The following RYR1 variants were observed in gnomAD, a reference collection of about 807,000 sequenced individuals.
RYR1 encodes the protein ryanodine receptor 1, also known as central core disease of muscle.
In RYR1, 342 loss-of-function variants were observed where a neutral mutation model predicts 583.5. The observed-to-expected ratio is 0.59, with a 90% CI of 0.54 to 0.64. The LOEUF is 0.64. Among genes scored for constraint, RYR1 ranks in the 30% least tolerant of loss-of-function variants. The pLI is 0.00. For synonymous variants in RYR1, 2,791 were observed against 2,822.5 expected (o/e 0.99, Z 0.35); for missense variants, 6,032 against 6,917.2 (o/e 0.87, Z 4.54).
chr19:38,476,398 C>T (rs990206414), intron 29 of RYR1, among the ~76,000 whole-genome samples: 3 of 152,224 alleles, frequency 2.0e-5, no homozygotes, highest in Non-Finnish European at 4.4e-5. Context: ...GGGGTTTCAC[C>T]ATATTGGCCA....
At position 38,433,874 on chromosome 19, in the gene RYR1, G is replaced by T; in HGVS notation, c.45G>T (p.Thr15=). ...AAGACGAGGTCCAGTTCCTGCGGAC[G>T]GTGCGTATCTCTGGGTTAGGGGCCT... is the stretch of plus-strand genomic sequence containing the variant. ...EGEDEVQFLR[T]DDEVVLQCSA... The change falls in exon 1 of 106, where the codon ACG becomes ACT. Residue 15 remains threonine (T), a splice_region_variant and synonymous_variant. Coordinates refer to ENST00000359596, the MANE Select transcript of RYR1 (RefSeq NM_000540.3). 1 of 1,613,396 alleles carries T rather than the reference G, an allele frequency of 6.2e-7. No homozygotes were observed. The highest frequency in any genetic ancestry group is 2.2e-5 in the East Asian group (1 of 44,864).
chr19:38,523,163 C>A (rs773047568), intron 68 of RYR1, 48 bp downstream of exon 68: 1 of 1,613,650 alleles, frequency 6.2e-7, no homozygotes, highest in Admixed American at 1.7e-5. Context: ...GGAGCCGCAG[C>A]CCACAGGCGC....
intron 19 of RYR1, 136 bp downstream of exon 19, chr19:38,459,474 C>A: frequency 1.2e-6 from 1 of 828,252 alleles, no homozygotes; most frequent in Non-Finnish European, 1.9e-6. Flanking sequence ...TGTCCAGAAC[C>A]CTTACTTGAA....
chr19:38,496,172 G>T lies in RYR1; in HGVS notation c.6549-43G>T. 6.4e-7 allele frequency: 1 copy of T among 1,553,988 alleles called. No individual in the cohort carries two copies. On this transcript the variant is annotated intron_variant, in intron 39 of 105. Transcript: ENST00000359596. This position sits in a 1 kb window ranked among gnomAD's most constrained non-coding sequence, Gnocchi z 4.8. ...ACAGTGGTGGCTATGGCCCTCTCCG[G>T]ACCTGGGCCCCTGGTGACCCCGCAC...
intron 34 of RYR1, among the ~76,000 whole-genome samples, chr19:38,486,611 GATTAC>G (rs1969311919): frequency 6.6e-6 from 1 of 152,040 alleles, no homozygotes; most frequent in Admixed American, 6.5e-5. Context: ...AAAGTGCTGG[GATTAC>G]AGGCGTGAGC....
Position 38,496,636 on chromosome 19 carries a change from A to G in RYR1, c.6796+95A>G. On this transcript the variant is annotated intron_variant, in intron 41 of 105. Coordinates refer to ENST00000359596, the MANE Select transcript of RYR1 (RefSeq NM_000540.3). The surrounding 1 kb of genome is among the most constrained non-coding windows in gnomAD (Gnocchi z 4.8). ...CTTTCCACCAGCTCACTCATTCAAC[A>G]AACACTCCCTCTCAACTGTGGTTCT... The G allele has an allele frequency of 2.0e-6, 3 of 1,470,254 alleles. No individual in the cohort carries two copies. Among genetic ancestry groups the G allele is most frequent in the Non-Finnish European group, 2.8e-6 (3 of 1,054,098 alleles). The allele number at this position is 1,470,254 out of a possible 1,614,324, so 91.1% of individuals were successfully genotyped here. A position where few individuals can be genotyped will look rare whatever the true frequency, so the allele number is the denominator to read the frequency against.
intron 89 of RYR1, among the ~76,000 whole-genome samples, chr19:38,560,080 G>C (rs1029500348): frequency 1.3e-5 from 2 of 152,224 alleles, no homozygotes; most frequent in African/African-American, 4.8e-5. Flanking sequence ...AAAGAAATCT[G>C]TGGGTGAACT....
intron 23 of RYR1, among the ~76,000 whole-genome samples, chr19:38,465,506 T>C (rs1186601806): frequency 6.6e-6 from 1 of 151,978 alleles, no homozygotes; most frequent in Non-Finnish European, 1.5e-5. Flanking sequence ...CGCTCACGCC[T>C]GTAATCCGAG....
chr19:38,484,147 C>T (rs1256063976), intron 33 of RYR1, among the ~76,000 whole-genome samples: 1 of 151,986 alleles, frequency 6.6e-6, no homozygotes, highest in Non-Finnish European at 1.5e-5. Flanking sequence ...CAAAAATTAG[C>T]CAGTTGTGGT....
At chr19:38,545,226 G>A (rs77133616) in intron 87 of RYR1, among the ~76,000 whole-genome samples, 3,444 of 152,256 alleles carry the variant, frequency 0.023, 92 homozygotes, top group Admixed American at 0.072. Context: ...TTAGCCCCAT[G>A]TGCTCTGACT....
Position 38,433,745 on chromosome 19 carries a change from AGCCCG to A in RYR1, c.-84_-80del. 8.0e-6 allele frequency: 4 copies of A among 498,364 alleles called. No individual in the cohort carries two copies. Among genetic ancestry groups the A allele is most frequent in the East Asian group, 4.8e-5 (1 of 20,916 alleles). 30.9% of individuals were successfully genotyped at this position (498,364 alleles called of 1,614,324 possible). A position where few individuals can be genotyped will look rare whatever the true frequency, so the allele number is the denominator to read the frequency against. ...GGTGTCTCCAGAGGTCTCCGACCCC[AGCCCG>A]CCCCCAGCCCTCCCGCCCAGCCCGC... On this transcript the variant is annotated 5_prime_UTR_variant, in exon 1 of 106. Coordinates refer to ENST00000359596, the MANE Select transcript of RYR1 (RefSeq NM_000540.3).
At chr19:38,440,035 G>C (rs999910087) in intron 1 of RYR1, among the ~76,000 whole-genome samples, 10 of 152,236 alleles carry the variant, frequency 6.6e-5, no homozygotes, top group African/African-American at 2.4e-4. Flanking sequence ...GGCCTCTGGA[G>C]CCAGTTGGAC....
rs936478429 is a variant in RYR1 at position 38,499,188 on chromosome 19, C to T, written c.6972C>T (p.Asn2324=). 1 of 1,614,188 alleles carries T rather than the reference C, an allele frequency of 6.2e-7. No homozygotes were observed. The highest frequency in any genetic ancestry group is 1.3e-5 in the African/African-American group (1 of 75,052). Residue 2324 remains asparagine (N), a synonymous_variant, in exon 43 of 106, where the codon AAC becomes AAT. Transcript: ENST00000359596. The surrounding 1 kb of genome is among the most constrained non-coding windows in gnomAD (Gnocchi z 7.3). ...VAKGYPDIGW[N]PCGGERYLDF... The stretch of plus-strand genomic sequence containing the variant: ...AAGGGTACCCAGACATTGGCTGGAA[C>T]CCCTGTGGTGGAGAGCGCTACCTGG...
intron 4 of RYR1, 34 bp from the exon 5 acceptor site, chr19:38,443,684 C>A: frequency 6.2e-7 from 1 of 1,613,598 alleles, no homozygotes; most frequent in Non-Finnish European, 8.5e-7. Flanking sequence ...GTGGGGCCTG[C>A]TAGAAGGAGG....
chr19:38,501,236 G>A (rs181566734), intron 47 of RYR1, among the ~76,000 whole-genome samples: 7 of 152,148 alleles, frequency 4.6e-5, no homozygotes, highest in East Asian at 1.9e-4. Flanking sequence ...GTGGTGACTC[G>A]CGCCTGTAAT....
Position 38,500,581 on chromosome 19 carries a change from C to T in RYR1, c.7324-25C>T, listed in dbSNP as rs997700499. On this transcript the variant is annotated intron_variant, in intron 45 of 105. Transcript: ENST00000359596. This position sits in a 1 kb window ranked among gnomAD's most constrained non-coding sequence, Gnocchi z 5.9. ...TGGGGCACCAGCGCCTGATGAGTGCCCCTCTCCCTCCCTCTACTCCCCAGC... is the reference window on the plus strand; with the variant it reads ...TGGGGCACCAGCGCCTGATGAGTGCTCCTCTCCCTCCCTCTACTCCCCAGC... 2.3e-5 allele frequency: 37 copies of T among 1,611,574 alleles called. No homozygotes were observed. The Admixed American group carries it at 5.8e-4, about 25-fold the overall frequency.
rs1051860444 is a variant in RYR1, at chr19:38,561,506, G to C, written c.12624+52G>C. ...TCGCCTCCTGGGGCTTCGGGCATGC[G>C]GGTGCTCACTTCCTGCACCCTCAGA... On this transcript the variant is annotated intron_variant, in intron 90 of 105. Coordinates refer to ENST00000359596, the MANE Select transcript of RYR1 (RefSeq NM_000540.3). The surrounding 1 kb of genome is among the most constrained non-coding windows in gnomAD (Gnocchi z 4.8). 1.1e-5 allele frequency: 17 copies of C among 1,540,630 alleles called. No individual in the cohort carries two copies. The highest frequency in any genetic ancestry group is 1.5e-5 in the Non-Finnish European group (17 of 1,137,774).
At position 38,494,589 on chromosome 19, in the gene RYR1, G is replaced by A. The variant is rs1286486364; in HGVS notation, c.6512G>A (p.Gly2171Asp). ...QIRSLLIVQM[G>D]PQEENLMIQS... ...CGCTCGCTGCTCATCGTGCAGATGG[G>A]CCCCCAGGAGGAGAACCTCATGATC... The change falls in exon 39 of 106, where the codon GGC becomes GAC. Residue 2171 changes from glycine (G) to aspartate (D), a missense_variant. Physicochemically the swap from Gly to Asp is moderately conservative, Grantham distance 94. Coordinates refer to ENST00000359596, the MANE Select transcript of RYR1 (RefSeq NM_000540.3). 2 of 1,614,102 alleles carry A rather than the reference G, an allele frequency of 1.2e-6. No homozygotes were observed. Among genetic ancestry groups the A allele is most frequent in the South Asian group, 1.1e-5 (1 of 91,088 alleles).
chr19:38,581,133 A>G (rs1974186455), intron 101 of RYR1, among the ~76,000 whole-genome samples: 1 of 151,604 alleles, frequency 6.6e-6, no homozygotes, highest in Non-Finnish European at 1.5e-5. Context: ...GCTGGAGTGC[A>G]GTGGCGTGAT....
Sources: gnomAD v4.1 joint callset for allele counts (sites outside exome capture counted in the v4.1 genomes callset) on GRCh38, gnomAD v4.1.1 for gene constraint, Gnocchi (gnomAD v3.1) non-coding constraint, MANE v1.5 for transcripts, NCBI Gene and HGNC (gene_info 2026-07-23, HGNC 2026-07-21) for gene names.